The following CAMTA1 variants were observed in gnomAD, a reference collection of about 807,000 sequenced individuals.
CAMTA1 encodes the protein calmodulin-binding transcription activator 1.
In CAMTA1, 27 loss-of-function variants were observed where a neutral mutation model predicts 170.9. That is an observed-to-expected ratio of 0.16 (90% CI 0.12 to 0.22). The LOEUF is 0.22. CAMTA1 is among the 10% of genes least tolerant of loss of function. The probability of loss-of-function intolerance (pLI) is 1.00; values close to 1 mark genes in which losing one functional copy is unlikely to be tolerated. For missense variants in CAMTA1, 1,619 were observed against 2,217.2 expected, an observed-to-expected ratio of 0.73 and a Z score of 5.42; for synonymous variants, 833 against 891.5, an observed-to-expected ratio of 0.93 and a Z score of 1.17.
rs1033007993 is a variant in CAMTA1, at chr1:7,565,068, G to T, written c.511-75332G>T. On this transcript the variant is annotated intron_variant, in intron 6 of 22. Coordinates refer to ENST00000303635, the MANE Select transcript of CAMTA1 (RefSeq NM_015215.4). This position sits in a 1 kb window ranked among gnomAD's most constrained non-coding sequence, Gnocchi z 4.5. ...GGCAAGGCCCCTCAGGGAGGTGAGGGACCCAAAGCAGAGGGGCTGTGGGTG... is the reference window on the plus strand; with the variant it reads ...GGCAAGGCCCCTCAGGGAGGTGAGGTACCCAAAGCAGAGGGGCTGTGGGTG... Among the ~76,000 whole-genome samples, 4 of 151,868 alleles carry T rather than the reference G, an allele frequency of 2.6e-5. No individual in the cohort carries two copies. Among genetic ancestry groups the T allele is most frequent in the African/African-American group, 4.8e-5 (2 of 41,342 alleles).
rs578053910 is a variant in CAMTA1 at position 7,718,364 on chromosome 1, C to T, written c.2915-14084C>T. Reference sequence around the variant, plus strand: ...TCATGCTAGGCGCCACCAAACAAGCCGCTGGTGCTTAATTATTGTATCCAT... The same window carrying T: ...TCATGCTAGGCGCCACCAAACAAGCTGCTGGTGCTTAATTATTGTATCCAT... On this transcript the variant is annotated intron_variant, in intron 11 of 22. Coordinates refer to ENST00000303635, the MANE Select transcript of CAMTA1 (RefSeq NM_015215.4). Among the ~76,000 whole-genome samples the T allele has an allele frequency of 5.3e-5, 8 of 152,240 alleles. No individual in the cohort carries two copies. The South Asian group carries it at 1.7e-3, about 32-fold the overall frequency.
chr1:7,664,647 G>A lies in CAMTA1; in HGVS notation c.2100G>A (p.Gly700=), dbSNP rs1275352229. 2.5e-6 allele frequency: 4 copies of A among 1,606,616 alleles called. No individual in the cohort carries two copies. The highest frequency in any genetic ancestry group is 3.4e-6 in the Non-Finnish European group (4 of 1,174,830). The change falls in exon 9 of 23, where the codon GGG becomes GGA. Residue 700 remains glycine, a synonymous_variant. Transcript: ENST00000303635. The part of the protein sequence containing the change: ...VTMETSQAAE[G]SEVLLKSGEL... The stretch of plus-strand genomic sequence containing the variant: ...TGGAGACCTCGCAGGCGGCGGAAGG[G>A]AGCGAGGTCCTGCTCAAGTCTGGGG...
At chr1:7,498,497 G>C (rs942572012) in intron 6 of CAMTA1, among the ~76,000 whole-genome samples, 1 of 151,680 alleles carries the variant, frequency 6.6e-6, no homozygotes, top group Non-Finnish European at 1.5e-5. Context: ...ATGAGAGTGA[G>C]TGTGGGTGTG....
At chr1:7,155,027 C>T (rs1335336243) in intron 4 of CAMTA1, among the ~76,000 whole-genome samples, 1 of 152,192 alleles carries the variant, frequency 6.6e-6, no homozygotes, top group East Asian at 1.9e-4. Flanking sequence ...GCAGTCTGTC[C>T]ACACTGGGCC....
intron 6 of CAMTA1, among the ~76,000 whole-genome samples, chr1:7,586,902 G>A (rs914879232): frequency 1.6e-4 from 25 of 151,976 alleles, no homozygotes; most frequent in African/African-American, 3.9e-4. Flanking sequence ...GGATGGGGAC[G>A]TCCCCACCTT....
intron 5 of CAMTA1, among the ~76,000 whole-genome samples, chr1:7,350,918 T>G (rs1043778061): frequency 1.3e-5 from 2 of 152,234 alleles, no homozygotes; most frequent in Non-Finnish European, 2.9e-5. Flanking sequence ...CAAATCTGCT[T>G]TGTAGCCTGT....
chr1:7,143,899 G>A (rs1646030137), intron 4 of CAMTA1, among the ~76,000 whole-genome samples: 1 of 152,068 alleles, frequency 6.6e-6, no homozygotes, highest in Non-Finnish European at 1.5e-5. Context: ...CTTTAATTCT[G>A]TGAAATAGTT....
intron 3 of CAMTA1, among the ~76,000 whole-genome samples, chr1:6,913,085 A>G (rs1367485958): frequency 1.3e-5 from 2 of 152,122 alleles, no homozygotes; most frequent in Non-Finnish European, 2.9e-5. Flanking sequence ...AGGTTCCTCC[A>G]CTCTAAATAA....
chr1:6,952,774 C>T (rs1688728002), intron 3 of CAMTA1, among the ~76,000 whole-genome samples: 1 of 152,264 alleles, frequency 6.6e-6, no homozygotes, highest in South Asian at 2.1e-4. Context: ...GCGGAGGTAG[C>T]AGTGAGCCGA....
Position 7,641,956 on chromosome 1 carries a change from G to A in CAMTA1, c.664+1403G>A, listed in dbSNP as rs12751990. ...AGCACAGCCTGCAGCCCCCCCACCC[G>A]CAGCCCCCGGCCTCTGCAGGACTCT... On this transcript the variant is annotated intron_variant, in intron 7 of 22. Coordinates refer to ENST00000303635, the MANE Select transcript of CAMTA1 (RefSeq NM_015215.4). The surrounding 1 kb of genome is among the most constrained non-coding windows in gnomAD (Gnocchi z 4.5). 1.6e-5 allele frequency among the ~76,000 whole-genome samples: 2 copies of A among 127,686 alleles called. No homozygotes were observed. The highest frequency in any genetic ancestry group is 2.9e-5 in the African/African-American group (1 of 34,684). 83.8% of individuals were successfully genotyped at this position (127,686 alleles called of 152,430 possible).
chr1:7,402,494 C>A (rs1235433055), intron 5 of CAMTA1, among the ~76,000 whole-genome samples: 1 of 152,174 alleles, frequency 6.6e-6, no homozygotes, highest in Non-Finnish European at 1.5e-5. Context: ...GTCCCATCGC[C>A]CAAAAATATG....
chr1:6,878,650 A>G (rs1418699892), intron 3 of CAMTA1, among the ~76,000 whole-genome samples: 3 of 152,166 alleles, frequency 2.0e-5, no homozygotes, highest in Non-Finnish European at 2.9e-5. Context: ...ATATCTTAGC[A>G]CTTTTCCAGG....
intron 6 of CAMTA1, among the ~76,000 whole-genome samples, chr1:7,621,179 A>G (rs768756963): frequency 5.3e-5 from 8 of 152,198 alleles, no homozygotes; most frequent in African/African-American, 1.2e-4. Flanking sequence ...CCAGCCAGGA[A>G]AAGAGGTCCT....
intron 3 of CAMTA1, among the ~76,000 whole-genome samples, chr1:6,842,319 G>A (rs1358436996): frequency 6.6e-6 from 1 of 152,138 alleles, no homozygotes; most frequent in Non-Finnish European, 1.5e-5. Context: ...AAACGCCCTC[G>A]CCGTGAGGCT....
chr1:7,163,358 C>G (rs139196882), intron 4 of CAMTA1, among the ~76,000 whole-genome samples: 3 of 151,262 alleles, frequency 2.0e-5, no homozygotes, highest in Non-Finnish European at 4.4e-5. Context: ...GTGGGTGGGT[C>G]ATCATATGGA....
At chr1:7,366,546 G>A (rs769393933) in intron 5 of CAMTA1, among the ~76,000 whole-genome samples, 7 of 152,222 alleles carry the variant, frequency 4.6e-5, no homozygotes, top group African/African-American at 1.4e-4. Context: ...TCCCTGCTCC[G>A]CAGATGATTT....
At chr1:7,220,931 T>C (rs1660636919) in intron 4 of CAMTA1, among the ~76,000 whole-genome samples, 1 of 152,174 alleles carries the variant, frequency 6.6e-6, no homozygotes. Flanking sequence ...TCCCGCTCCC[T>C]AGGGCCCTCC....
intron 3 of CAMTA1, among the ~76,000 whole-genome samples, chr1:7,037,947 C>A (rs191941465): frequency 6.8e-6 from 1 of 147,836 alleles, no homozygotes; most frequent in Non-Finnish European, 1.5e-5. Context: ...ATTTTAAACA[C>A]AATGGTTAAA....
At chr1:6,968,721 T>G (rs1343874009) in intron 3 of CAMTA1, among the ~76,000 whole-genome samples, 5 of 146,970 alleles carry the variant, frequency 3.4e-5, no homozygotes, top group African/African-American at 7.7e-5. Context: ...GCTATCTAAG[T>G]GGAGATCTGA....
Sources: allele counts gnomAD v4.1 joint callset (sites outside exome capture counted in the v4.1 genomes callset), GRCh38; gene constraint gnomAD v4.1.1; non-coding constraint Gnocchi (gnomAD v3.1); transcripts MANE v1.5; gene names NCBI Gene and HGNC (gene_info 2026-07-23, HGNC 2026-07-21).